Variants in SUPT3H observed in about 807,000 individuals in gnomAD.
SUPT3H encodes transcription initiation protein SPT3 homolog.
In SUPT3H, 44 loss-of-function variants were observed where a neutral mutation model predicts 44.3. The ratio of observed to expected loss-of-function variants is 0.99; its 90% confidence interval spans 0.78 to 1.28. The LOEUF (loss-of-function observed/expected upper bound fraction) is 1.28. Ranked by LOEUF, SUPT3H falls within the 50% of genes most tolerant of loss-of-function variation. The pLI is 0.00. For missense variants in SUPT3H, 380 were observed against 387.1 expected, an observed-to-expected ratio of 0.98 and a Z score of 0.15; for synonymous variants, 124 against 125.6, an observed-to-expected ratio of 0.99 and a Z score of 0.09.
chr6:44,991,955 T>A (rs951503851), intron 6 of SUPT3H, among the ~76,000 whole-genome samples: 1 of 152,114 alleles, frequency 6.6e-6, no homozygotes, highest in Admixed American at 6.6e-5. Flanking sequence ...GTAACAACCA[T>A]CTGCCCACCT....
intron 2 of SUPT3H, among the ~76,000 whole-genome samples, chr6:45,118,389 AAT>A (rs1003760009): frequency 3.9e-5 from 6 of 152,150 alleles, no homozygotes; most frequent in African/African-American, 1.4e-4. Context: ...AATTATTTAT[AAT>A]AGTTAATATC....
At chr6:44,839,989 C>A (rs148778165) in intron 10 of SUPT3H, among the ~76,000 whole-genome samples, 1 of 151,620 alleles carries the variant, frequency 6.6e-6, no homozygotes, top group African/African-American at 2.4e-5. Context: ...CGTGAGCCAC[C>A]GCACCCAGCC....
rs180801958 is a variant in SUPT3H at position 45,092,306 on chromosome 6, A to T, written c.186+13616T>A. Among the ~76,000 whole-genome samples, 389 of 152,276 alleles carry T rather than the reference A, an allele frequency of 2.6e-3. 3 individuals carry two copies. Among genetic ancestry groups the T allele is most frequent in the African/African-American group, 8.5e-3 (355 of 41,562 alleles). The stretch of plus-strand genomic sequence containing the variant: ...TATTTATGCTGATGTTTATTACTTA[A>T]TGCCATATTATTAGTTGAATTAGAA... On this transcript the variant is annotated intron_variant, in intron 3 of 10. Transcript: ENST00000371459.
At chr6:45,149,996 G>T (rs1806666091) in intron 2 of SUPT3H, among the ~76,000 whole-genome samples, 1 of 151,112 alleles carries the variant, frequency 6.6e-6, no homozygotes, top group South Asian at 2.1e-4. Flanking sequence ...TACATATCAG[G>T]TAAATTGAAT....
chr6:44,903,669 T>C (rs149052880), intron 10 of SUPT3H, among the ~76,000 whole-genome samples: 31,350 of 152,164 alleles, frequency 0.21, 3,926 homozygotes, highest in Non-Finnish European at 0.29. Flanking sequence ...GAATCCTCCC[T>C]AACTCATTTT....
rs193197125 is a variant in SUPT3H, at chr6:45,341,438, C to A, written c.101+23763G>T. ...ACTTGATAGGTAATATTTTAATGAG[C>A]AAACTAACAACTTTTAAAAGCTACA... On this transcript the variant is annotated intron_variant, in intron 2 of 10. Coordinates refer to ENST00000371459, the MANE Select transcript of SUPT3H (RefSeq NM_003599.4). Among the ~76,000 whole-genome samples the A allele has an allele frequency of 6.6e-4, 100 of 152,200 alleles. 1 individual carries two copies. Among genetic ancestry groups the A allele is most frequent in the African/African-American group, 2.4e-3 (99 of 41,538 alleles).
chr6:44,969,153 T>C (rs1425493800), intron 6 of SUPT3H, among the ~76,000 whole-genome samples: 1 of 152,202 alleles, frequency 6.6e-6, no homozygotes, highest in African/African-American at 2.4e-5. Flanking sequence ...CTTCCTGCAC[T>C]TTCCCATGTG....
At chr6:45,362,738 A>G (rs1794474046) in intron 2 of SUPT3H, among the ~76,000 whole-genome samples, 1 of 152,206 alleles carries the variant, frequency 6.6e-6, no homozygotes, top group African/African-American at 2.4e-5. Flanking sequence ...GCTGTAGCCA[A>G]CAATAACTTT....
chr6:45,220,951 T>C (rs1364615762), intron 2 of SUPT3H, among the ~76,000 whole-genome samples: 1 of 152,166 alleles, frequency 6.6e-6, no homozygotes, highest in Non-Finnish European at 1.5e-5. Context: ...CTATTCACAA[T>C]AGCAAAGACT....
chr6:45,046,768 C>A (rs551136402), intron 3 of SUPT3H, among the ~76,000 whole-genome samples: 1 of 152,206 alleles, frequency 6.6e-6, no homozygotes, highest in East Asian at 1.9e-4. Context: ...TAGAAAACAG[C>A]CTGCTGGCCT....
intron 10 of SUPT3H, among the ~76,000 whole-genome samples, chr6:44,840,221 T>C (rs1233694802): frequency 6.6e-6 from 1 of 152,238 alleles, no homozygotes; most frequent in African/African-American, 2.4e-5. Context: ...CTATAAAATA[T>C]AGCCTCAATG....
chr6:44,990,891 A>G (rs1401005106), intron 6 of SUPT3H, among the ~76,000 whole-genome samples: 1 of 115,660 alleles, frequency 8.6e-6, no homozygotes, highest in Non-Finnish European at 2.0e-5. Flanking sequence ...CAAGTTATTT[A>G]TTAAAATAAT....
intron 10 of SUPT3H, among the ~76,000 whole-genome samples, chr6:44,848,661 T>C (rs1375945934): frequency 6.6e-6 from 1 of 152,184 alleles, no homozygotes; most frequent in Admixed American, 6.5e-5. Flanking sequence ...GTCTTTTCTA[T>C]TACAGACCAA....
intron 2 of SUPT3H, chr6:45,322,867 C>A: frequency 6.2e-7 from 1 of 1,608,622 alleles, no homozygotes. Flanking sequence ...CACTGGAGAG[C>A]CTCTGTCTCA....
intron 6 of SUPT3H, among the ~76,000 whole-genome samples, chr6:44,969,934 G>A (rs932071550): frequency 3.9e-4 from 60 of 152,154 alleles, no homozygotes; most frequent in Middle Eastern, 6.8e-3. Flanking sequence ...AAGATTCAAA[G>A]GATTTAAAAG....
At chr6:45,306,624 G>C (rs1197479603) in intron 2 of SUPT3H, among the ~76,000 whole-genome samples, 1 of 152,136 alleles carries the variant, frequency 6.6e-6, no homozygotes, top group African/African-American at 2.4e-5. Flanking sequence ...AAACCAAGGA[G>C]ACAAAACACC....
In SUPT3H at chr6:44,855,220, G is replaced by A. The variant is rs550546758; in HGVS notation, c.913-25363C>T. ...TGCCCCTCTTCTCCCAAACTGCTTT[G>A]CTGTGGATCAGGGAGGTGCTGACGG... On this transcript the variant is annotated intron_variant, in intron 10 of 10. Transcript: ENST00000371459. 2.6e-5 allele frequency among the ~76,000 whole-genome samples: 4 copies of A among 152,252 alleles called. No individual in the cohort carries two copies. The South Asian group carries it at 8.3e-4, about 32-fold the overall frequency.
At chr6:45,264,471 C>A (rs186098446) in intron 2 of SUPT3H, among the ~76,000 whole-genome samples, 1 of 151,988 alleles carries the variant, frequency 6.6e-6, no homozygotes, top group Non-Finnish European at 1.5e-5. Flanking sequence ...ACCAGCCTGG[C>A]CAACATGGTG....
intron 2 of SUPT3H, among the ~76,000 whole-genome samples, chr6:45,134,892 G>A (rs1804032852): frequency 6.6e-6 from 1 of 152,182 alleles, no homozygotes; most frequent in South Asian, 2.1e-4. Context: ...CCTTGGTGGA[G>A]ACTCTCTGTG....
Sources: gnomAD v4.1 joint callset for allele counts (sites outside exome capture counted in the v4.1 genomes callset) on GRCh38, gnomAD v4.1.1 for gene constraint, MANE v1.5 for transcripts, NCBI Gene and HGNC (gene_info 2026-07-23, HGNC 2026-07-21) for gene names.